Variants in ITGB3 observed in about 807,000 individuals in gnomAD.
ITGB3 encodes the protein integrin beta-3.
A neutral mutation model predicts 85.8 loss-of-function variants in ITGB3; 48 were observed. The ratio of observed to expected loss-of-function variants is 0.56; its 90% CI spans 0.44 to 0.71. The LOEUF (loss-of-function observed/expected upper bound fraction) is 0.71. Ranked by LOEUF, ITGB3 falls within the 30% of genes least tolerant of loss-of-function variation. ITGB3 has a pLI of 0.00. For synonymous variants in ITGB3, 363 were observed against 395.6 expected (o/e 0.92, Z 0.98); for missense variants, 861 against 1,019.1 (o/e 0.84, Z 2.11).
intron 1 of ITGB3, among the ~76,000 whole-genome samples, chr17:47,255,101 C>T (rs900911442): frequency 6.6e-6 from 1 of 152,014 alleles, no homozygotes; most frequent in African/African-American, 2.4e-5. Flanking sequence ...GGCTCAGCCT[C>T]CCGAGTAGCT....
At chr17:47,270,651 C>T (rs939782418) in intron 1 of ITGB3, among the ~76,000 whole-genome samples, 1 of 152,214 alleles carries the variant, frequency 6.6e-6, no homozygotes, top group African/African-American at 2.4e-5. Context: ...ATCATTCCCA[C>T]TCATGGGCCT....
chr17:47,300,426 C>A, intron 11 of ITGB3, 52 bp from the exon 12 acceptor site: 1 of 1,337,298 alleles, frequency 7.5e-7, no homozygotes, highest in Non-Finnish European at 1.1e-6. Flanking sequence ...GACTGGGATA[C>A]GCTTAGGCTT....
intron 1 of ITGB3, among the ~76,000 whole-genome samples, chr17:47,266,332 G>C (rs2065025604): frequency 6.6e-6 from 1 of 152,078 alleles, no homozygotes; most frequent in African/African-American, 2.4e-5. Context: ...TCCTCATTAG[G>C]GTGGCCTGTT....
chr17:47,285,705 TA>T (rs2065100098), intron 4 of ITGB3, among the ~76,000 whole-genome samples: 1 of 152,242 alleles, frequency 6.6e-6, no homozygotes, highest in Non-Finnish European at 1.5e-5. Flanking sequence ...CATCAGCTAT[TA>T]ATTAAACACA....
At chr17:47,258,610 CCTT>C (rs1333787132) in intron 1 of ITGB3, among the ~76,000 whole-genome samples, 1 of 151,694 alleles carries the variant, frequency 6.6e-6, no homozygotes, top group African/African-American at 2.4e-5. Context: ...TCTTTTTTTC[CCTT>C]CTTTTTCTTT....
In ITGB3 at chr17:47,277,832, G is replaced by T. The variant is rs549400177; in HGVS notation, c.165+3328G>T. Among the ~76,000 whole-genome samples the T allele has an allele frequency of 5.3e-5, 8 of 152,224 alleles. No individual in the cohort carries two copies. In the South Asian group the frequency reaches 1.7e-3, roughly 32 times the overall value. On this transcript the variant is annotated intron_variant, in intron 2 of 14. Coordinates refer to ENST00000559488, the MANE Select transcript of ITGB3 (RefSeq NM_000212.3). ...GCAAAGTAGAGGAAGACTCTAATAG[G>T]ATTTCCTTCTCATTTTCTTCTCTGC...
At chr17:47,297,973 G>A (rs1430433715) in intron 10 of ITGB3, among the ~76,000 whole-genome samples, 1 of 151,910 alleles carries the variant, frequency 6.6e-6, no homozygotes, top group Non-Finnish European at 1.5e-5. Context: ...GGTTTGGAAA[G>A]TAGATACACA....
chr17:47,302,870 G>T, intron 13 of ITGB3, 30 bp downstream of exon 13: 2 of 1,613,590 alleles, frequency 1.2e-6, no homozygotes, highest in East Asian at 2.2e-5. Context: ...TCCCGGCCCT[G>T]CCCCAGGAGG....
intron 1 of ITGB3, among the ~76,000 whole-genome samples, chr17:47,260,102 A>T (rs991762465): frequency 6.6e-6 from 1 of 152,068 alleles, no homozygotes; most frequent in African/African-American, 2.4e-5. Flanking sequence ...TCCTTTACTT[A>T]AACCCATGAT....
chr17:47,263,490 A>G (rs965514894), intron 1 of ITGB3, among the ~76,000 whole-genome samples: 2 of 43,628 alleles, frequency 4.6e-5, no homozygotes, highest in Non-Finnish European at 1.0e-4. Flanking sequence ...CCCCACCCCC[A>G]CCCTTTCTTT....
intron 2 of ITGB3, 54 bp from the exon 3 acceptor site, chr17:47,283,298 TAG>T: frequency 6.4e-7 from 1 of 1,561,098 alleles, no homozygotes; most frequent in Non-Finnish European, 8.8e-7. Flanking sequence ...CTGCAGGAGG[TAG>T]AGAGTCGCCA....
chr17:47,307,719 G>T (rs1055615306), intron 14 of ITGB3, 82 bp downstream of exon 14: 1 of 1,306,290 alleles, frequency 7.7e-7, no homozygotes, highest in Non-Finnish European at 1.1e-6. Flanking sequence ...GGGTGGTCAT[G>T]TTCAGCCAGT....
Position 47,278,156 on chromosome 17 carries a change from C to T in ITGB3, c.165+3652C>T, listed in dbSNP as rs2065070230. ...GCATGTTCAAGTGATTTCTTGTCCT[C>T]ACCAGATGAGTTAATCAAGACAGCA... On this transcript the variant is annotated intron_variant, in intron 2 of 14. Coordinates refer to ENST00000559488, the MANE Select transcript of ITGB3 (RefSeq NM_000212.3). Among the ~76,000 whole-genome samples, 3 of 152,202 alleles carry T rather than the reference C, an allele frequency of 2.0e-5. No individual in the cohort carries two copies. In the South Asian group the frequency reaches 6.2e-4, roughly 31 times the overall value.
chr17:47,274,627 C>T, intron 2 of ITGB3, 123 bp downstream of exon 2: 1 of 840,210 alleles, frequency 1.2e-6, no homozygotes. Context: ...CTAAGCAAAA[C>T]TTTGATGAAT....
At chr17:47,257,799 C>T (rs779740838) in intron 1 of ITGB3, among the ~76,000 whole-genome samples, 1 of 152,106 alleles carries the variant, frequency 6.6e-6, no homozygotes, top group Non-Finnish European at 1.5e-5. Context: ...TGGGAGGAGC[C>T]GTTAGAAGGG....
intron 11 of ITGB3, among the ~76,000 whole-genome samples, chr17:47,300,125 C>A (rs1438087965): frequency 6.6e-6 from 1 of 152,228 alleles, no homozygotes; most frequent in Non-Finnish European, 1.5e-5. Context: ...TCATTTTGCA[C>A]TGGGCCCCCA....
intron 1 of ITGB3, among the ~76,000 whole-genome samples, chr17:47,267,943 TCA>T (rs1309966697): frequency 1.3e-5 from 2 of 152,216 alleles, no homozygotes; most frequent in Admixed American, 6.5e-5. Context: ...TTTAATTGAC[TCA>T]CAGTTCAACA....
rs121918448 is a variant in ITGB3 at position 47,292,175 on chromosome 17, C to A, written c.1297C>A (p.Pro433Thr). The change falls in exon 10 of 15, where the codon CCC becomes ACC. Residue 433 changes from proline (P) to threonine (T), a missense_variant. Pro to Thr is a conservative substitution (Grantham distance 38). Transcript: ENST00000559488. Reference sequence around the variant, plus strand: ...CATTGAGGCCAAGGTGCGAGGCTGTCCCCAGGAGAAGGAGAAGTCCTTTAC... The same window carrying A: ...CATTGAGGCCAAGGTGCGAGGCTGTACCCAGGAGAAGGAGAAGTCCTTTAC... ...FSIEAKVRGC[P>T]QEKEKSFTIK... is the part of the protein sequence containing the mutation. The A allele has an allele frequency of 3.1e-6, 5 of 1,614,154 alleles. No homozygotes were observed. Among genetic ancestry groups the A allele is most frequent in the Non-Finnish European group, 4.2e-6 (5 of 1,180,006 alleles).
intron 1 of ITGB3, among the ~76,000 whole-genome samples, chr17:47,266,084 G>T (rs2065024132): frequency 6.6e-6 from 1 of 152,156 alleles, no homozygotes; most frequent in Admixed American, 6.5e-5. Flanking sequence ...GTAAGCATGA[G>T]ATTTTTTTTT....
Sources: allele counts gnomAD v4.1 joint callset (sites outside exome capture counted in the v4.1 genomes callset), GRCh38; gene constraint gnomAD v4.1.1; transcripts MANE v1.5; gene names NCBI Gene and HGNC (gene_info 2026-07-23, HGNC 2026-07-21).